The following COL16A1 variants were observed in gnomAD, a reference collection of about 807,000 sequenced individuals.
COL16A1 encodes the protein collagen alpha-1(XVI) chain.
COL16A1 carries 189 observed loss-of-function variants against 266.3 expected under a neutral mutation model. The observed-to-expected ratio is 0.71, with a 90% CI of 0.63 to 0.80. COL16A1 has a LOEUF of 0.80. Ranked by LOEUF, COL16A1 falls within the 30% of genes least tolerant of loss-of-function variation. The probability of loss-of-function intolerance (pLI) is 0.00; values close to 1 mark genes in which losing one functional copy is unlikely to be tolerated. For synonymous variants in COL16A1, 740 were observed against 782.3 expected, an observed-to-expected ratio of 0.95 and a Z score of 0.90; for missense variants, 1,928 against 2,122.4, an observed-to-expected ratio of 0.91 and a Z score of 1.80.
chr1:31,663,950 A>G lies in COL16A1; in HGVS notation c.3555+1222T>C, dbSNP rs1641904134. Among the ~76,000 whole-genome samples the G allele has an allele frequency of 6.6e-6, 1 of 152,130 alleles. No homozygotes were observed. Among genetic ancestry groups the G allele is most frequent in the Admixed American group, 6.5e-5 (1 of 15,276 alleles). ...GGCTGTAGGGTGGTCAAGGGAAGGA[A>G]TCCCGCTAGAGAGACCCAGCAAAGG... On this transcript the variant is annotated intron_variant, in intron 56 of 70. Transcript: ENST00000373672. The surrounding 1 kb of genome is among the most constrained non-coding windows in gnomAD (Gnocchi z 4.9).
At chr1:31,684,483 G>A in intron 31 of COL16A1, 40 bp downstream of exon 31, 1 of 1,585,528 alleles carries the variant, frequency 6.3e-7, no homozygotes, top group Non-Finnish European at 8.6e-7. Flanking sequence ...TTTTTTTTAT[G>A]CAACAAACTC....
intron 47 of COL16A1, among the ~76,000 whole-genome samples, chr1:31,672,127 G>C (rs758993420): frequency 6.6e-6 from 1 of 152,190 alleles, no homozygotes; most frequent in Non-Finnish European, 1.5e-5. Flanking sequence ...AAAGAGGGTG[G>C]TCAGGGGAGG....
chr1:31,660,866 C>T (rs113454577), intron 61 of COL16A1, among the ~76,000 whole-genome samples, 200 bp downstream of exon 61: 90 of 152,342 alleles, frequency 5.9e-4, no homozygotes, highest in Non-Finnish European at 1.1e-3. Flanking sequence ...GACCCAGTAA[C>T]CTCCAGGGAG....
rs749485282 is a variant in COL16A1 at position 31,666,052 on chromosome 1, G to C, written c.3387C>G (p.Gly1129=). The C allele has an allele frequency of 1.2e-6, 2 of 1,612,788 alleles. No homozygotes were observed. The highest frequency in any genetic ancestry group is 1.7e-6 in the Non-Finnish European group (2 of 1,179,662). ...CTTCACTCACCGCTGGGCCTGGGGGGCCTGGGAGGCCTTCAGATCCTGGGG... is the reference window on the plus strand; with the variant it reads ...CTTCACTCACCGCTGGGCCTGGGGGCCCTGGGAGGCCTTCAGATCCTGGGG... ...PGPPGSEGLP[G]PPGPAGPRGE... The change falls in exon 53 of 71, where the codon GGC becomes GGG. Residue 1129 remains glycine (G), a synonymous_variant. Coordinates refer to ENST00000373672, the MANE Select transcript of COL16A1 (RefSeq NM_001856.4).
intron 42 of COL16A1, chr1:31,679,416 T>C: frequency 6.4e-7 from 1 of 1,559,094 alleles, no homozygotes; most frequent in South Asian, 1.2e-5. Flanking sequence ...GACGCAACAG[T>C]GCATTGCTTG....
In COL16A1 at chr1:31,702,119, A is replaced by C. The variant is rs1569590522; in HGVS notation, c.73+2T>G. The C allele has an allele frequency of 1.2e-6, 2 of 1,613,898 alleles. No individual in the cohort carries two copies. Among genetic ancestry groups the C allele is most frequent in the South Asian group, 2.2e-5 (2 of 91,068 alleles). The stretch of plus-strand genomic sequence containing the variant: ...TACTGTGACTCTCCTGTGTCATCTC[A>C]CCTGTATTTGCCCCATGGCCGAAGG... On this transcript the variant is annotated splice_donor_variant, in intron 2 of 70. Transcript: ENST00000373672. LOFTEE classifies it high-confidence loss of function.
At chr1:31,693,266 A>C (rs1195514426) in intron 12 of COL16A1, 112 bp from the exon 13 acceptor site, 3 of 688,266 alleles carry the variant, frequency 4.4e-6, no homozygotes, top group Non-Finnish European at 7.8e-6. Flanking sequence ...ACGGGTACGC[A>C]AATACGCACA....
chr1:31,690,270 C>T, intron 22 of COL16A1, 97 bp downstream of exon 22: 2 of 1,565,642 alleles, frequency 1.3e-6, no homozygotes, highest in Admixed American at 1.8e-5. Context: ...GAGGAAGGTC[C>T]AGCACCCCTA....
chr1:31,684,736 G>A (rs2148774980), intron 30 of COL16A1, 85 bp downstream of exon 30: 8 of 1,610,092 alleles, frequency 5.0e-6, no homozygotes, highest in South Asian at 1.1e-5. Flanking sequence ...CTGAGGGTTG[G>A]GGGCTAGGGA....
At chr1:31,701,711 C>T (rs1420344720) in intron 2 of COL16A1, among the ~76,000 whole-genome samples, 1 of 152,132 alleles carries the variant, frequency 6.6e-6, no homozygotes, top group Non-Finnish European at 1.5e-5. Flanking sequence ...TTGGGGTTCT[C>T]TGGGGAGGCG....
intron 20 of COL16A1, among the ~76,000 whole-genome samples, chr1:31,690,907 C>T (rs1164857238): frequency 1.3e-5 from 2 of 152,170 alleles, no homozygotes; most frequent in East Asian, 3.9e-4. Context: ...GAGCTTGGGC[C>T]CTCCAGCAAA....
At position 31,684,768 on chromosome 1, in the gene COL16A1, G is replaced by T. The variant is rs548439293; in HGVS notation, c.2052+53C>A. ...GGGAGGGAGGAAAATGAGGCAAGGAGGGGATCTGAGATGATGCCATGCCCA... is the reference window on the plus strand; with the variant it reads ...GGGAGGGAGGAAAATGAGGCAAGGATGGGATCTGAGATGATGCCATGCCCA... On this transcript the variant is annotated intron_variant, in intron 30 of 70. Transcript: ENST00000373672. 7.0e-5 allele frequency: 113 copies of T among 1,613,770 alleles called. 3 individuals are homozygous for T. In the East Asian group the frequency reaches 9.4e-4, roughly 13 times the overall value.
rs1644186127 is a variant in COL16A1 at position 31,690,026 on chromosome 1, C to T, written c.1510-175G>A. ...TTCCTGTTCAACTGACTCATTCATT[C>T]ACCACAAGATTCCAGGGTGGCGCAA... On this transcript the variant is annotated intron_variant, in intron 22 of 70. Coordinates refer to ENST00000373672, the MANE Select transcript of COL16A1 (RefSeq NM_001856.4). 7.9e-6 allele frequency: 5 copies of T among 632,820 alleles called. No homozygotes were observed. In the South Asian group the frequency reaches 9.8e-5, roughly 12 times the overall value. 39.2% of individuals were successfully genotyped at this position (632,820 alleles called of 1,614,324 possible).
At position 31,657,087 on chromosome 1, in the gene COL16A1, T is replaced by C; in HGVS notation, c.4021-19A>G. ...GTTCGCCCTGGGGAGTAGAGAGCAA[T>C]GGAGACATGAGGAGCTCCAACCCAG... On this transcript the variant is annotated intron_variant, in intron 64 of 70. Transcript: ENST00000373672. The surrounding 1 kb of genome is among the most constrained non-coding windows in gnomAD (Gnocchi z 6.4). The C allele has an allele frequency of 6.2e-7, 1 of 1,614,140 alleles. No individual in the cohort carries two copies. The highest frequency in any genetic ancestry group is 8.5e-7 in the Non-Finnish European group (1 of 1,180,018).
In COL16A1 at chr1:31,668,108, C is replaced by A. The variant is rs376311538; in HGVS notation, c.3303+57G>T. 2.2e-5 allele frequency: 33 copies of A among 1,506,500 alleles called. No individual in the cohort carries two copies. In the South Asian group the frequency reaches 2.4e-4, roughly 11 times the overall value. 93.3% of individuals were successfully genotyped at this position (1,506,500 alleles called of 1,614,324 possible). The stretch of plus-strand genomic sequence containing the variant: ...GCCCAGCCTGGCTGTGTCCTGACCA[C>A]CAGCCCAAACCTCTGGTACCTGGCA... On this transcript the variant is annotated intron_variant, in intron 51 of 70. Coordinates refer to ENST00000373672, the MANE Select transcript of COL16A1 (RefSeq NM_001856.4). This position sits in a 1 kb window ranked among gnomAD's most constrained non-coding sequence, Gnocchi z 5.8.
Position 31,682,954 on chromosome 1 carries a change from C to T in COL16A1, c.2518G>A (p.Ala840Thr), listed in dbSNP as rs202008728. The change falls in exon 37 of 71, where the codon GCC (alanine) becomes ACC (threonine). Residue 840 changes from alanine to threonine, a missense_variant. Coordinates refer to ENST00000373672, the MANE Select transcript of COL16A1 (RefSeq NM_001856.4). ...GATGPVGPPG[A>T]SVSGPPGRDG... ...CTTACCGGAGGCCCAGAGACACTGG[C>T]CCCAGGAGGTCCCACAGGTCCGGTG... 1.9e-6 allele frequency: 3 copies of T among 1,613,946 alleles called. No individual in the cohort carries two copies. Among genetic ancestry groups the T allele is most frequent in the South Asian group, 2.2e-5 (2 of 91,082 alleles).
At chr1:31,680,123 T>C in intron 39 of COL16A1, 22 bp from the exon 40 acceptor site, 1 of 1,610,986 alleles carries the variant, frequency 6.2e-7, no homozygotes, top group Non-Finnish European at 8.5e-7. Context: ...AGAGCCTTTG[T>C]GAGACATGGA....
intron 70 of COL16A1, among the ~76,000 whole-genome samples, chr1:31,653,217 T>C (rs1640782160): frequency 6.6e-6 from 1 of 152,238 alleles, no homozygotes; most frequent in East Asian, 1.9e-4. Flanking sequence ...CATCAGGCTT[T>C]GGCCATCCTC....
Position 31,661,087 on chromosome 1 carries a change from G to A in COL16A1, c.3804C>T (p.Ser1268=), listed in dbSNP as rs377539860. 4.7e-5 allele frequency: 73 copies of A among 1,565,900 alleles called. No homozygotes were observed. The highest frequency in any genetic ancestry group is 5.5e-5 in the Non-Finnish European group (63 of 1,154,276). The change falls in exon 61 of 71, where the codon AGC becomes AGT. Residue 1268 remains serine, a synonymous_variant. Coordinates refer to ENST00000373672, the MANE Select transcript of COL16A1 (RefSeq NM_001856.4). ...GDCGKPGPPG[S]TGRPGAEGEP... ...TCACCTCTGCGCCAGGCCGGCCAGT[G>A]CTGCCAGGGGGACCTGGTTTGCCAC...
Sources: gnomAD v4.1 joint callset for allele counts (sites outside exome capture counted in the v4.1 genomes callset) on GRCh38, gnomAD v4.1.1 for gene constraint, Gnocchi (gnomAD v3.1) non-coding constraint, MANE v1.5 for transcripts, NCBI Gene and HGNC (gene_info 2026-07-23, HGNC 2026-07-21) for gene names.